Variants in BACH2 observed in about 807,000 individuals in gnomAD.
BACH2 encodes the protein BACH transcriptional regulator 2.
A neutral mutation model predicts 61.8 loss-of-function variants in BACH2; 5 were observed. That is an observed-to-expected ratio of 0.08 (90% CI 0.04 to 0.17). The LOEUF (loss-of-function observed/expected upper bound fraction) is 0.17, where lower values mean the gene tolerates loss of function less well. Among genes scored for constraint, BACH2 ranks in the 10% least tolerant of loss-of-function variants. The pLI is 1.00. For missense variants in BACH2, 824 were observed against 1,091.1 expected, an observed-to-expected ratio of 0.76 and a Z score of 3.45; for synonymous variants, 446 against 440.1, an observed-to-expected ratio of 1.01 and a Z score of -0.17.
intron 4 of BACH2, among the ~76,000 whole-genome samples, chr6:90,170,541 T>A (rs982092157): frequency 6.6e-6 from 1 of 152,208 alleles, no homozygotes; most frequent in Admixed American, 6.5e-5. Flanking sequence ...AAGACCTTTT[T>A]GTAACTCCAT....
At chr6:90,054,488 G>C (rs1454654849) in intron 5 of BACH2, among the ~76,000 whole-genome samples, 1 of 152,220 alleles carries the variant, frequency 6.6e-6, no homozygotes, top group African/African-American at 2.4e-5. Context: ...CTCGAACTGG[G>C]TGGAGCCCAC....
chr6:90,230,522 T>G (rs1355922130), intron 3 of BACH2, among the ~76,000 whole-genome samples: 1 of 152,232 alleles, frequency 6.6e-6, no homozygotes, highest in Non-Finnish European at 1.5e-5. Flanking sequence ...GACTGTCTTC[T>G]GTCTGGAATT....
At chr6:90,266,448 C>T (rs1771332318) in intron 2 of BACH2, among the ~76,000 whole-genome samples, 1 of 152,096 alleles carries the variant, frequency 6.6e-6, no homozygotes, top group African/African-American at 2.4e-5. Context: ...CTTAACTTGG[C>T]ATCTAGGTGC....
At chr6:90,025,316 C>T (rs775184922) in intron 5 of BACH2, among the ~76,000 whole-genome samples, 5 of 152,102 alleles carry the variant, frequency 3.3e-5, no homozygotes, top group Non-Finnish European at 5.9e-5. Context: ...TGTGTAACCC[C>T]CCAGTTAAGA....
intron 4 of BACH2, among the ~76,000 whole-genome samples, chr6:90,103,983 A>G (rs1782789790): frequency 6.6e-6 from 1 of 152,202 alleles, no homozygotes; most frequent in South Asian, 2.1e-4. Flanking sequence ...AGAGAAGTGA[A>G]GTGGCCTGGT....
At chr6:90,187,057 T>A (rs1381391695) in intron 4 of BACH2, among the ~76,000 whole-genome samples, 3 of 152,220 alleles carry the variant, frequency 2.0e-5, no homozygotes, top group Non-Finnish European at 4.4e-5. Flanking sequence ...TTAAGAAGGA[T>A]GCCCTATAAA....
At chr6:90,232,817 G>A (rs1443468512) in intron 3 of BACH2, among the ~76,000 whole-genome samples, 1 of 152,206 alleles carries the variant, frequency 6.6e-6, no homozygotes, top group Non-Finnish European at 1.5e-5. Flanking sequence ...TTTATGGCCT[G>A]TCTCTAAGAA....
intron 1 of BACH2, among the ~76,000 whole-genome samples, chr6:90,291,462 T>C (rs935565309): frequency 2.7e-5 from 4 of 145,590 alleles, no homozygotes; most frequent in Non-Finnish European, 4.5e-5. Context: ...ATGCTGATAG[T>C]AAAATTAAGT....
At chr6:90,063,272 G>GGT (rs921415448) in intron 5 of BACH2, among the ~76,000 whole-genome samples, 1 of 151,936 alleles carries the variant, frequency 6.6e-6, no homozygotes, top group Non-Finnish European at 1.5e-5. Flanking sequence ...CTCCTATGGG[G>GGT]GTGTGTGTGT....
At chr6:90,263,036 A>G (rs981001932) in intron 2 of BACH2, among the ~76,000 whole-genome samples, 1 of 152,232 alleles carries the variant, frequency 6.6e-6, no homozygotes, top group Non-Finnish European at 1.5e-5. Flanking sequence ...TTGATATGTA[A>G]AATTGGAATT....
At chr6:90,142,088 AT>A (rs879798494) in intron 4 of BACH2, among the ~76,000 whole-genome samples, 2 of 152,042 alleles carry the variant, frequency 1.3e-5, no homozygotes, top group African/African-American at 4.8e-5. Flanking sequence ...CTCAAAAAAA[AT>A]TTTTTTTTAA....
At chr6:90,199,338 TG>T (rs1768876063) in intron 4 of BACH2, among the ~76,000 whole-genome samples, 1 of 152,240 alleles carries the variant, frequency 6.6e-6, no homozygotes, top group Middle Eastern at 3.2e-3. Flanking sequence ...TCAAGATGAC[TG>T]TGTACAAAGA....
intron 4 of BACH2, among the ~76,000 whole-genome samples, chr6:90,112,748 A>G (rs933838495): frequency 5.9e-5 from 9 of 152,218 alleles, no homozygotes; most frequent in African/African-American, 1.9e-4. Context: ...AAATTCATAC[A>G]TACAATACTA....
intron 1 of BACH2, among the ~76,000 whole-genome samples, chr6:90,295,909 C>G (rs1180142743): frequency 6.6e-6 from 1 of 152,126 alleles, no homozygotes; most frequent in East Asian, 1.9e-4. Context: ...TCCGGGCCAC[C>G]CGGCGGCGGC....
intron 3 of BACH2, among the ~76,000 whole-genome samples, chr6:90,243,768 G>A (rs919976834): frequency 3.3e-5 from 5 of 152,104 alleles, no homozygotes; most frequent in African/African-American, 1.2e-4. Flanking sequence ...TTTTCCTCAT[G>A]AACAGGTCTA....
chr6:90,030,581 C>T (rs891973397), intron 5 of BACH2, among the ~76,000 whole-genome samples: 89 of 152,210 alleles, frequency 5.8e-4, no homozygotes, highest in African/African-American at 1.8e-3. Context: ...AACACCTCTA[C>T]GCAAATAAAC....
intron 4 of BACH2, among the ~76,000 whole-genome samples, chr6:90,095,646 A>G (rs1365733334): frequency 6.6e-6 from 1 of 152,188 alleles, no homozygotes; most frequent in Non-Finnish European, 1.5e-5. Flanking sequence ...GAAAAATAAA[A>G]AGTGTGATAG....
At chr6:90,268,312 T>C (rs1771411499) in intron 2 of BACH2, among the ~76,000 whole-genome samples, 1 of 152,188 alleles carries the variant, frequency 6.6e-6, no homozygotes, top group South Asian at 2.1e-4. Context: ...GAACTGCACT[T>C]GCCTTTTATA....
intron 5 of BACH2, among the ~76,000 whole-genome samples, chr6:90,079,279 C>G (rs565962341): frequency 1.1e-4 from 17 of 152,288 alleles, no homozygotes; most frequent in African/African-American, 4.1e-4. Flanking sequence ...TGTCCCTTCT[C>G]CCTCCTCCAA....
Sources: allele counts gnomAD v4.1 joint callset (sites outside exome capture counted in the v4.1 genomes callset), GRCh38; gene constraint gnomAD v4.1.1; transcripts MANE v1.5; gene names NCBI Gene and HGNC (gene_info 2026-07-23, HGNC 2026-07-21).